SEMA6D: variants seen among roughly 807,000 people sequenced by gnomAD.
SEMA6D encodes the protein semaphorin 6D.
In SEMA6D, 35 loss-of-function variants were observed where a neutral mutation model predicts 106.6. The ratio of observed to expected loss-of-function variants is 0.33; its 90% confidence interval spans 0.25 to 0.44. The LOEUF (loss-of-function observed/expected upper bound fraction) is 0.44, where lower values mean the gene tolerates loss of function less well. Ranked by LOEUF, SEMA6D falls within the 20% of genes least tolerant of loss-of-function variation. The probability of loss-of-function intolerance (pLI) is 1.00; values close to 1 mark genes in which losing one functional copy is unlikely to be tolerated. For missense variants in SEMA6D, 1,185 were observed against 1,345.9 expected (o/e 0.88, Z 1.87); for synonymous variants, 499 against 487.7 (o/e 1.02, Z -0.31).
At chr15:47,362,379 T>G (rs2038844189) in intron 1 of SEMA6D, among the ~76,000 whole-genome samples, 1 of 152,184 alleles carries the variant, frequency 6.6e-6, no homozygotes, top group South Asian at 2.1e-4. Context: ...AGATGCTTGT[T>G]TCCTAGGCAG....
chr15:47,413,595 C>A (rs1772638069), intron 2 of SEMA6D, among the ~76,000 whole-genome samples: 2 of 152,046 alleles, frequency 1.3e-5, no homozygotes, highest in South Asian at 4.2e-4. Context: ...AGGATCCCCC[C>A]ACCTCAGCCT....
At chr15:47,488,287 G>A (rs530799078) in intron 3 of SEMA6D, among the ~76,000 whole-genome samples, 1 of 152,136 alleles carries the variant, frequency 6.6e-6, no homozygotes, top group East Asian at 1.9e-4. Context: ...CAACAGTTGG[G>A]AGATATTATT....
At chr15:47,291,893 G>T (rs1290414325) in intron 1 of SEMA6D, among the ~76,000 whole-genome samples, 1 of 152,150 alleles carries the variant, frequency 6.6e-6, no homozygotes, top group Non-Finnish European at 1.5e-5. Context: ...AAGTCAGAGT[G>T]TACAACAGTA....
At chr15:47,225,845 A>C (rs2031620022) in intron 1 of SEMA6D, among the ~76,000 whole-genome samples, 1 of 151,988 alleles carries the variant, frequency 6.6e-6, no homozygotes, top group Non-Finnish European at 1.5e-5. Flanking sequence ...GTGGAGTTTT[A>C]AGAATTCTTT....
At chr15:47,405,746 A>G (rs1393736900) in intron 1 of SEMA6D, among the ~76,000 whole-genome samples, 2 of 152,058 alleles carry the variant, frequency 1.3e-5, no homozygotes, top group Non-Finnish European at 2.9e-5. Flanking sequence ...TTTCAGTGTC[A>G]TTTTCAGCTC....
chr15:47,743,217 A>G (rs1451363648), intron 1 of SEMA6D, among the ~76,000 whole-genome samples: 1 of 152,230 alleles, frequency 6.6e-6, no homozygotes, highest in Non-Finnish European at 1.5e-5. Context: ...TGTAAGGGCA[A>G]TTGCCTACCG....
chr15:47,461,641 G>A (rs148825052), intron 2 of SEMA6D, among the ~76,000 whole-genome samples: 39 of 152,022 alleles, frequency 2.6e-4, no homozygotes, highest in African/African-American at 8.7e-4. Context: ...TAGGATGTTC[G>A]GGAAAAGCTT....
chr15:47,479,435 C>T, intron 3 of SEMA6D, among the ~76,000 whole-genome samples: 1 of 152,074 alleles, frequency 6.6e-6, no homozygotes. Flanking sequence ...TTTCTGAAGG[C>T]TAGACCCAGT....
At chr15:47,229,715 C>G (rs2032055803) in intron 1 of SEMA6D, among the ~76,000 whole-genome samples, 1 of 152,102 alleles carries the variant, frequency 6.6e-6, no homozygotes, top group Non-Finnish European at 1.5e-5. Flanking sequence ...TTGACAATTA[C>G]AGTCATATTG....
At chr15:47,303,083 C>G (rs945244969) in intron 1 of SEMA6D, among the ~76,000 whole-genome samples, 3 of 152,078 alleles carry the variant, frequency 2.0e-5, no homozygotes, top group Non-Finnish European at 2.9e-5. Context: ...TCTTACTTCT[C>G]CAGATACATG....
At chr15:47,277,874 G>T (rs1421855608) in intron 1 of SEMA6D, among the ~76,000 whole-genome samples, 1 of 148,442 alleles carries the variant, frequency 6.7e-6, no homozygotes, top group Non-Finnish European at 1.5e-5. Flanking sequence ...TTGGTTTTTT[G>T]TTCTTGCGAT....
intron 1 of SEMA6D, among the ~76,000 whole-genome samples, chr15:47,201,346 G>A (rs1247210289): frequency 6.6e-6 from 1 of 152,020 alleles, no homozygotes; most frequent in Non-Finnish European, 1.5e-5. Context: ...AAAATTCATA[G>A]GCCTAATTTA....
chr15:47,720,759 C>G (rs1410756421), intron 1 of SEMA6D, among the ~76,000 whole-genome samples: 2 of 152,116 alleles, frequency 1.3e-5, no homozygotes, highest in Non-Finnish European at 2.9e-5. Context: ...TCATAATAAA[C>G]CTTGGTAATT....
chr15:47,337,044 CA>C (rs2037594002), intron 1 of SEMA6D, among the ~76,000 whole-genome samples: 1 of 152,062 alleles, frequency 6.6e-6, no homozygotes. Context: ...TACACTCAGG[CA>C]ACAGGGTGAT....
At chr15:47,553,970 A>G (rs1376790638) in intron 3 of SEMA6D, among the ~76,000 whole-genome samples, 1 of 152,198 alleles carries the variant, frequency 6.6e-6, no homozygotes, top group Non-Finnish European at 1.5e-5. Context: ...GACTACAGAA[A>G]AAAGGTGAGG....
intron 1 of SEMA6D, among the ~76,000 whole-genome samples, chr15:47,275,792 C>T (rs554286358): frequency 2.6e-5 from 4 of 152,010 alleles, no homozygotes; most frequent in East Asian, 3.9e-4. Context: ...CACTTTACAT[C>T]GAAAGTTAGA....
intron 2 of SEMA6D, among the ~76,000 whole-genome samples, chr15:47,436,759 A>T (rs1404154363): frequency 8.0e-5 from 2 of 25,044 alleles, no homozygotes; most frequent in African/African-American, 1.7e-4. Context: ...TATCTCTATT[A>T]AAAAAAAAAA....
chr15:47,681,434 A>G (rs1468086985), intron 4 of SEMA6D, among the ~76,000 whole-genome samples: 1 of 152,214 alleles, frequency 6.6e-6, no homozygotes, highest in Non-Finnish European at 1.5e-5. Context: ...GGTGGTTTCC[A>G]GGGACTGGGA....
intron 1 of SEMA6D, among the ~76,000 whole-genome samples, chr15:47,242,792 G>A (rs1447776024): frequency 2.6e-5 from 4 of 152,106 alleles, no homozygotes; most frequent in Non-Finnish European, 4.4e-5. Context: ...TTTTAAACAA[G>A]TAGAGGTGAC....
Sources: allele counts gnomAD v4.1 joint callset (sites outside exome capture counted in the v4.1 genomes callset), GRCh38; gene constraint gnomAD v4.1.1; transcripts MANE v1.5; gene names NCBI Gene and HGNC (gene_info 2026-07-23, HGNC 2026-07-21).